Variants in CDH4 observed in about 807,000 individuals in gnomAD.
CDH4 encodes the protein cadherin-4.
CDH4 carries 33 observed loss-of-function variants against 86.0 expected under a neutral mutation model. The ratio of observed to expected loss-of-function variants is 0.38; its 90% CI spans 0.29 to 0.51. The LOEUF is 0.51. Ranked by LOEUF, CDH4 falls within the 20% of genes least tolerant of loss-of-function variation. The probability of loss-of-function intolerance (pLI) is 0.86; values close to 1 mark genes in which losing one functional copy is unlikely to be tolerated. For synonymous variants in CDH4, 555 were observed against 549.4 expected (o/e 1.01, Z -0.14); for missense variants, 1,114 against 1,307.4 (o/e 0.85, Z 2.28).
At chr20:61,933,735 C>T (rs1309914723) in intron 14 of CDH4, among the ~76,000 whole-genome samples, 2 of 150,422 alleles carry the variant, frequency 1.3e-5, no homozygotes, top group African/African-American at 5.0e-5. Flanking sequence ...TTGCGGAGGC[C>T]CAGCTCCTGG....
At chr20:61,855,319 G>A (rs1167527952) in intron 6 of CDH4, among the ~76,000 whole-genome samples, 3 of 152,188 alleles carry the variant, frequency 2.0e-5, no homozygotes, top group Admixed American at 2.0e-4. Flanking sequence ...ACACACGGGT[G>A]CATCCAGTGT....
intron 6 of CDH4, among the ~76,000 whole-genome samples, chr20:61,862,826 AT>A (rs1356451731): frequency 6.6e-6 from 1 of 152,236 alleles, no homozygotes; most frequent in African/African-American, 2.4e-5. Flanking sequence ...AATTAATGTC[AT>A]TTTAAAATAT....
chr20:61,880,100 C>G (rs1984214233), intron 7 of CDH4, among the ~76,000 whole-genome samples: 1 of 152,232 alleles, frequency 6.6e-6, no homozygotes, highest in Non-Finnish European at 1.5e-5. Flanking sequence ...GGATATCGTT[C>G]TCACCACCAT....
intron 2 of CDH4, among the ~76,000 whole-genome samples, chr20:61,465,728 C>T (rs1328759): frequency 1.3e-5 from 2 of 152,044 alleles, no homozygotes; most frequent in Non-Finnish European, 2.9e-5. Context: ...ACTTGATCTT[C>T]ATTTGTGGGC....
intron 2 of CDH4, among the ~76,000 whole-genome samples, chr20:61,479,350 C>G (rs989203477): frequency 3.9e-5 from 6 of 152,036 alleles, no homozygotes; most frequent in Admixed American, 1.3e-4. Flanking sequence ...ATCCCTCCCC[C>G]CTTCCCCCAC....
intron 2 of CDH4, among the ~76,000 whole-genome samples, chr20:61,505,150 C>T (rs192098177): frequency 6.6e-6 from 1 of 152,284 alleles, no homozygotes; most frequent in East Asian, 1.9e-4. Context: ...AAGCGAGGCT[C>T]ATTGGGTGGA....
chr20:61,882,582 C>G lies in CDH4; in HGVS notation c.1050+8682C>G, dbSNP rs983352792. Among the ~76,000 whole-genome samples the G allele has an allele frequency of 3.3e-5, 5 of 152,314 alleles. No individual in the cohort carries two copies. In the East Asian group the frequency reaches 7.7e-4, roughly 24 times the overall value. ...ACCCAGGGCTCTGAAGCCCCTGGCC[C>G]GGGGGGTGCAGCCCCTCCCTCCCGG... On this transcript the variant is annotated intron_variant, in intron 7 of 15. Coordinates refer to ENST00000614565, the MANE Select transcript of CDH4 (RefSeq NM_001794.5).
intron 2 of CDH4, among the ~76,000 whole-genome samples, chr20:61,464,878 G>A (rs1374484312): frequency 2.6e-5 from 4 of 152,298 alleles, no homozygotes; most frequent in South Asian, 2.1e-4. Flanking sequence ...CAAAGAAGCC[G>A]GCTTCAAAAC....
intron 4 of CDH4, among the ~76,000 whole-genome samples, chr20:61,820,255 G>A (rs1020671696): frequency 1.3e-5 from 2 of 152,260 alleles, no homozygotes; most frequent in East Asian, 1.9e-4. Flanking sequence ...CCCCAAGACC[G>A]CCTTCCACCT....
intron 2 of CDH4, among the ~76,000 whole-genome samples, chr20:61,433,294 G>T (rs537784402): frequency 1.3e-5 from 2 of 152,158 alleles, no homozygotes; most frequent in Non-Finnish European, 2.9e-5. Context: ...GTTTTGTCGG[G>T]TATCAATCAG....
intron 2 of CDH4, among the ~76,000 whole-genome samples, chr20:61,576,357 G>C (rs1288530029): frequency 6.6e-6 from 1 of 152,236 alleles, no homozygotes; most frequent in Non-Finnish European, 1.5e-5. Flanking sequence ...GGTTAGGAGA[G>C]AATAAAGGTT....
At chr20:61,932,839 G>A (rs2055130169) in intron 13 of CDH4, 146 bp from the exon 14 acceptor site, 1 of 1,067,968 alleles carries the variant, frequency 9.4e-7, no homozygotes. Context: ...ATGCGCGTGT[G>A]CAGTACAGGT....
At chr20:61,572,124 A>G (rs1226319769) in intron 2 of CDH4, among the ~76,000 whole-genome samples, 2 of 152,098 alleles carry the variant, frequency 1.3e-5, no homozygotes, top group African/African-American at 4.8e-5. Context: ...TGCAGGCTTC[A>G]CTTACGAAGG....
intron 2 of CDH4, among the ~76,000 whole-genome samples, chr20:61,427,229 T>C (rs2085219903): frequency 3.3e-5 from 5 of 152,208 alleles, no homozygotes; most frequent in Admixed American, 3.3e-4. Flanking sequence ...CTGTGCCCTG[T>C]GTGTGCAGGG....
intron 7 of CDH4, among the ~76,000 whole-genome samples, chr20:61,878,861 G>A (rs1022130797): frequency 2.1e-4 from 32 of 152,320 alleles, no homozygotes; most frequent in East Asian, 5.8e-4. Context: ...CCAAAGACTC[G>A]GCGGGGGTGT....
chr20:61,391,582 G>T (rs75549248), intron 2 of CDH4, among the ~76,000 whole-genome samples: 5,614 of 152,264 alleles, frequency 0.037, 355 homozygotes, highest in African/African-American at 0.13. Flanking sequence ...TGTGTGTTTT[G>T]TATCTGTTGG....
At chr20:61,486,925 A>G (rs550498941) in intron 2 of CDH4, among the ~76,000 whole-genome samples, 4 of 152,270 alleles carry the variant, frequency 2.6e-5, no homozygotes, top group African/African-American at 7.2e-5. Flanking sequence ...TAAAAGTTCC[A>G]GTTCCCTGGA....
intron 2 of CDH4, among the ~76,000 whole-genome samples, chr20:61,376,666 G>C (rs73308676): frequency 0.057 from 8,607 of 152,254 alleles, 388 homozygotes; most frequent in East Asian, 0.15. Context: ...CATATGGTTG[G>C]AGTGGTTCCC....
intron 2 of CDH4, among the ~76,000 whole-genome samples, chr20:61,468,815 C>T (rs1427180687): frequency 6.6e-6 from 1 of 152,118 alleles, no homozygotes; most frequent in Admixed American, 6.5e-5. Context: ...CAATATTTAT[C>T]TCTCTGTGCC....
Sources: gnomAD v4.1 joint callset for allele counts (sites outside exome capture counted in the v4.1 genomes callset) on GRCh38, gnomAD v4.1.1 for gene constraint, MANE v1.5 for transcripts, NCBI Gene and HGNC (gene_info 2026-07-23, HGNC 2026-07-21) for gene names.